UTP20: variants seen among roughly 807,000 people sequenced by gnomAD.
The protein encoded by UTP20 is UTP20 small subunit processome component, also known as small subunit processome component 20 homolog.
A neutral mutation model predicts 329.5 loss-of-function variants in UTP20; 164 were observed. The observed-to-expected ratio is 0.50, with a 90% CI of 0.44 to 0.57. The LOEUF (loss-of-function observed/expected upper bound fraction) is 0.57, where lower values mean the gene tolerates loss of function less well. Among genes scored for constraint, UTP20 ranks in the 20% least tolerant of loss-of-function variants. The pLI is 0.00. For synonymous variants in UTP20, 1,151 were observed against 1,159.3 expected (o/e 0.99, Z 0.14); for missense variants, 3,055 against 3,284.2 (o/e 0.93, Z 1.71).
chr12:101,340,085 C>T (rs1869069059), intron 31 of UTP20, among the ~76,000 whole-genome samples: 2 of 151,936 alleles, frequency 1.3e-5, no homozygotes, highest in South Asian at 2.1e-4. Flanking sequence ...CTCTGAGTCT[C>T]AGTTTTTTTC....
intron 5 of UTP20, among the ~76,000 whole-genome samples, chr12:101,288,329 A>T (rs1207166681): frequency 6.6e-6 from 1 of 152,210 alleles, no homozygotes; most frequent in Non-Finnish European, 1.5e-5. Flanking sequence ...AAATTTAACA[A>T]TGTGATTATA....
chr12:101,359,499 G>GTGTA (rs1555202041), intron 43 of UTP20, among the ~76,000 whole-genome samples: 1 of 130,170 alleles, frequency 7.7e-6, no homozygotes, highest in African/African-American at 3.2e-5. Flanking sequence ...GTATGTGTGT[G>GTGTA]TGTATATATA....
chr12:101,373,834 AAT>A, intron 54 of UTP20, 67 bp downstream of exon 54: 6 of 1,520,840 alleles, frequency 3.9e-6, no homozygotes, highest in Non-Finnish European at 5.4e-6. Flanking sequence ...TTTAAGTAAG[AAT>A]ATATGTCATA....
Position 101,306,773 on chromosome 12 carries a change from G to T in UTP20, c.1995+12G>T. 2 of 1,592,560 alleles carry T rather than the reference G, an allele frequency of 1.3e-6. No homozygotes were observed. Among genetic ancestry groups the T allele is most frequent in the Non-Finnish European group, 1.7e-6 (2 of 1,169,150 alleles). On this transcript the variant is annotated intron_variant, in intron 17 of 61. Coordinates refer to ENST00000261637, the MANE Select transcript of UTP20 (RefSeq NM_014503.3). Reference sequence around the variant, plus strand: ...CAGAATCAATGGAGGTATTTTAACTGTTTGAGTGGATAGGTTTTAAAAAAA... The same window carrying T: ...CAGAATCAATGGAGGTATTTTAACTTTTTGAGTGGATAGGTTTTAAAAAAA...
chr12:101,369,944 T>C, intron 49 of UTP20, 53 bp downstream of exon 49: 2 of 1,553,168 alleles, frequency 1.3e-6, no homozygotes, highest in Non-Finnish European at 1.8e-6. Flanking sequence ...CTGGATGCAA[T>C]AGCTCGTACC....
At chr12:101,321,042 C>T in intron 24 of UTP20, 105 bp downstream of exon 24, 1 of 1,031,066 alleles carries the variant, frequency 9.7e-7, no homozygotes, top group Non-Finnish European at 1.4e-6. Context: ...AGAAAGTTTC[C>T]CTTTTTTCTG....
intron 40 of UTP20, 76 bp downstream of exon 40, chr12:101,353,205 T>C: frequency 2.0e-6 from 2 of 1,014,102 alleles, no homozygotes; most frequent in Admixed American, 2.1e-5. Flanking sequence ...TTAAAGATGG[T>C]GACATTCAAC....
intron 8 of UTP20, 156 bp downstream of exon 8, chr12:101,291,044 C>T (rs1458158210): frequency 4.4e-6 from 3 of 677,884 alleles, no homozygotes; most frequent in Non-Finnish European, 6.6e-6. Flanking sequence ...CCTCTGCCCC[C>T]CTGTGCTATT....
chr12:101,333,955 T>A (rs957300432), intron 28 of UTP20, among the ~76,000 whole-genome samples: 7 of 152,214 alleles, frequency 4.6e-5, no homozygotes, highest in African/African-American at 1.7e-4. Context: ...TGAGCCACTG[T>A]GCCCGGCCTG....
intron 18 of UTP20, among the ~76,000 whole-genome samples, chr12:101,309,112 A>G (rs1872714420): frequency 6.6e-6 from 1 of 152,194 alleles, no homozygotes; most frequent in African/African-American, 2.4e-5. Flanking sequence ...GAGTAAGGCC[A>G]AAAGGAGGCA....
intron 43 of UTP20, among the ~76,000 whole-genome samples, chr12:101,357,788 A>G (rs934572857): frequency 2.0e-5 from 3 of 152,110 alleles, no homozygotes; most frequent in Non-Finnish European, 4.4e-5. Flanking sequence ...TGGAATATAC[A>G]GCACTCCAAG....
At chr12:101,317,004 A>G (rs2137256930) in intron 21 of UTP20, among the ~76,000 whole-genome samples, 1 of 152,306 alleles carries the variant, frequency 6.6e-6, no homozygotes, top group East Asian at 1.9e-4. Flanking sequence ...TGGAGATGGT[A>G]GTTCCATCTG....
chr12:101,321,911 C>CT (rs1005535599), intron 25 of UTP20, among the ~76,000 whole-genome samples: 7 of 150,464 alleles, frequency 4.7e-5, no homozygotes, highest in Non-Finnish European at 8.9e-5. Flanking sequence ...CCGCCAGCTG[C>CT]TTTTTTTTTG....
At chr12:101,361,628 A>AAAATAAATAAAT (rs60016529) in intron 43 of UTP20, among the ~76,000 whole-genome samples, 4 of 139,096 alleles carry the variant, frequency 2.9e-5, no homozygotes, top group African/African-American at 7.9e-5. Context: ...CTCTGTCTCA[A>AAAATAAATAAAT]AAATAAATAA....
Position 101,312,115 on chromosome 12 carries a change from T to A in UTP20, c.2391T>A (p.Val797=). 1 of 1,614,258 alleles carries A rather than the reference T, an allele frequency of 6.2e-7. No homozygotes were observed. The highest frequency in any genetic ancestry group is 8.5e-7 in the Non-Finnish European group (1 of 1,180,048). The change falls in exon 21 of 62, where the codon GTT becomes GTA. Residue 797 remains valine, a synonymous_variant. Transcript: ENST00000261637. ...GGGAGCAGACCCAGGAAGGAGATGT[T>A]GGAGCTCTTTATCATGAGCAGTTAG... ...ESWEQTQEGD[V]GALYHEQLAL...
At chr12:101,316,740 G>T (rs528412107) in intron 21 of UTP20, among the ~76,000 whole-genome samples, 1 of 152,152 alleles carries the variant, frequency 6.6e-6, no homozygotes, top group Non-Finnish European at 1.5e-5. Context: ...GACAACAAAA[G>T]GTTAATTGTT....
In UTP20 at chr12:101,285,737, T is replaced by TC. The variant is rs1205566951; in HGVS notation, c.194-7dup. On this transcript the variant is annotated splice_polypyrimidine_tract_variant and intron_variant, in intron 3 of 61. Coordinates refer to ENST00000261637, the MANE Select transcript of UTP20 (RefSeq NM_014503.3). ...TGATAGAAAAGAACATATTTTTTTT[T>TC]CCCCCACTCAGGAAAATTTTACAAA... is the stretch of plus-strand genomic sequence containing the variant. The TC allele has an allele frequency of 3.1e-6, 5 of 1,613,046 alleles. No homozygotes were observed. The highest frequency in any genetic ancestry group is 2.2e-5 in the South Asian group (2 of 91,004).
chr12:101,312,492 G>T (rs1340179609), intron 21 of UTP20, among the ~76,000 whole-genome samples: 1 of 151,980 alleles, frequency 6.6e-6, no homozygotes. Context: ...GTTGCCCAGG[G>T]GTGCAGTGGT....
At chr12:101,299,617 C>G (rs1427164285) in intron 12 of UTP20, 65 bp from the exon 13 acceptor site, 2 of 1,428,614 alleles carry the variant, frequency 1.4e-6, no homozygotes, top group East Asian at 4.7e-5. Context: ...AATTTTATTT[C>G]AGACTTCAGA....
Sources: allele counts gnomAD v4.1 joint callset (sites outside exome capture counted in the v4.1 genomes callset), GRCh38; gene constraint gnomAD v4.1.1; transcripts MANE v1.5; gene names NCBI Gene and HGNC (gene_info 2026-07-23, HGNC 2026-07-21).